Variants in CCSER1 observed in about 807,000 individuals in gnomAD.
CCSER1 encodes serine-rich coiled-coil domain-containing protein 1.
A neutral mutation model predicts 82.0 loss-of-function variants in CCSER1; 41 were observed. That is an observed-to-expected ratio of 0.50 (90% CI 0.39 to 0.65). The LOEUF is 0.65. Among genes scored for constraint, CCSER1 ranks in the 30% least tolerant of loss-of-function variants. CCSER1 has a pLI of 0.00. For synonymous variants in CCSER1, 414 were observed against 383.9 expected, an observed-to-expected ratio of 1.08 and a Z score of -0.92; for missense variants, 1,119 against 1,064.2, an observed-to-expected ratio of 1.05 and a Z score of -0.72.
intron 10 of CCSER1, among the ~76,000 whole-genome samples, chr4:91,496,631 A>AATATATATATATTCAATATATTTGAATAT (rs1758848615): frequency 1.8e-4 from 4 of 22,474 alleles, no homozygotes; most frequent in African/African-American, 4.6e-4. Context: ...TATATATTTG[A>AATATATATATATTCAATATATTTGAATAT]ATATATATAT....
chr4:91,081,693 C>A (rs1292869572), intron 9 of CCSER1, among the ~76,000 whole-genome samples: 1 of 152,170 alleles, frequency 6.6e-6, no homozygotes, highest in East Asian at 1.9e-4. Flanking sequence ...TCTCCTTAAG[C>A]TGATAAGCAA....
chr4:91,233,459 C>A (rs1369130022), intron 10 of CCSER1, among the ~76,000 whole-genome samples: 1 of 151,888 alleles, frequency 6.6e-6, no homozygotes, highest in African/African-American at 2.4e-5. Flanking sequence ...ATAGAACACA[C>A]TCCTCCAGTC....
intron 1 of CCSER1, among the ~76,000 whole-genome samples, chr4:90,281,469 G>A (rs1728834590): frequency 6.6e-6 from 1 of 151,936 alleles, no homozygotes; most frequent in African/African-American, 2.4e-5. Context: ...AGGTGCACAT[G>A]TACCCCTGAA....
chr4:90,857,518 A>C (rs563106103), intron 8 of CCSER1, among the ~76,000 whole-genome samples: 35 of 152,218 alleles, frequency 2.3e-4, no homozygotes, highest in Non-Finnish European at 2.8e-4. Context: ...TATTCTATTC[A>C]TTAGAAGCAG....
In CCSER1 at chr4:90,313,239, C is replaced by G. The variant is rs191719037; in HGVS notation, c.1509+192C>G. 2.9e-3 allele frequency among the ~76,000 whole-genome samples: 448 copies of G among 152,288 alleles called. 2 individuals are homozygous for G. Among genetic ancestry groups the G allele is most frequent in the African/African-American group, 0.01 (435 of 41,574 alleles). ...TAGGTCAGGATGGAGTTCACCATGACAGCTGTCTTTAGTTCCTGTCTTCCT... is the reference window on the plus strand; with the variant it reads ...TAGGTCAGGATGGAGTTCACCATGAGAGCTGTCTTTAGTTCCTGTCTTCCT... On this transcript the variant is annotated intron_variant, in intron 3 of 10. Coordinates refer to ENST00000509176, the MANE Select transcript of CCSER1 (RefSeq NM_001145065.2).
intron 10 of CCSER1, among the ~76,000 whole-genome samples, chr4:91,335,838 T>A (rs1747288373): frequency 6.6e-6 from 1 of 152,060 alleles, no homozygotes; most frequent in African/African-American, 2.4e-5. Flanking sequence ...CAAAAAAAAT[T>A]GTTTATGTGT....
chr4:90,851,591 T>A (rs6818052), intron 8 of CCSER1, among the ~76,000 whole-genome samples: 55 of 145,296 alleles, frequency 3.8e-4, no homozygotes, highest in Admixed American at 1.5e-3. Context: ...TTTTTTTTTT[T>A]CCTGATCCGA....
intron 10 of CCSER1, among the ~76,000 whole-genome samples, chr4:91,159,525 A>G (rs757441718): frequency 2.3e-4 from 35 of 151,958 alleles, no homozygotes; most frequent in Admixed American, 5.2e-4. Flanking sequence ...ATTAATTATT[A>G]ATATACATTA....
chr4:90,331,833 T>C (rs558665636), intron 3 of CCSER1, among the ~76,000 whole-genome samples: 1 of 146,684 alleles, frequency 6.8e-6, no homozygotes, highest in Admixed American at 6.8e-5. Context: ...TTTTTTTTTT[T>C]AAACTTTGAA....
chr4:91,399,947 T>G (rs1252508963), intron 10 of CCSER1, among the ~76,000 whole-genome samples: 2 of 152,032 alleles, frequency 1.3e-5, no homozygotes, highest in Non-Finnish European at 2.9e-5. Context: ...GTAGAACTCA[T>G]GTAGAATAGT....
chr4:91,281,798 TGTAA>T (rs1392056448), intron 10 of CCSER1, among the ~76,000 whole-genome samples: 2 of 152,176 alleles, frequency 1.3e-5, no homozygotes. Flanking sequence ...CATTTTTCTT[TGTAA>T]GTAAGTTTGT....
intron 10 of CCSER1, among the ~76,000 whole-genome samples, chr4:91,413,195 C>T (rs1316478750): frequency 6.6e-6 from 1 of 152,086 alleles, no homozygotes; most frequent in African/African-American, 2.4e-5. Context: ...GTAATCCCGG[C>T]ACTTTGGGAG....
At chr4:90,255,354 A>G (rs1723096315) in intron 1 of CCSER1, among the ~76,000 whole-genome samples, 2 of 152,142 alleles carry the variant, frequency 1.3e-5, no homozygotes, top group Admixed American at 1.3e-4. Context: ...CGCAATCATT[A>G]ATCTTTGATG....
chr4:90,501,134 T>G (rs1191190614), intron 5 of CCSER1, among the ~76,000 whole-genome samples: 1 of 152,160 alleles, frequency 6.6e-6, no homozygotes, highest in Non-Finnish European at 1.5e-5. Flanking sequence ...AATTTATCCC[T>G]TTGTACCTTT....
chr4:90,841,765 G>T (rs1561230459), intron 8 of CCSER1, among the ~76,000 whole-genome samples: 1 of 152,088 alleles, frequency 6.6e-6, no homozygotes, highest in African/African-American at 2.4e-5. Context: ...AAATCAAGGT[G>T]AAGCTGTATT....
Position 90,597,551 on chromosome 4 carries a change from G to A in CCSER1, c.1725-30474G>A, listed in dbSNP as rs951025567. ...TTAATTTTTTTTAAAAAATACATTT[G>A]ACTGTGTATATTTGAGGTTTACAAC... is the stretch of plus-strand genomic sequence containing the variant. On this transcript the variant is annotated intron_variant, in intron 5 of 10. Transcript: ENST00000509176. Among the ~76,000 whole-genome samples, 3 of 151,848 alleles carry A rather than the reference G, an allele frequency of 2.0e-5. No individual in the cohort carries two copies. In the East Asian group the frequency reaches 5.8e-4, roughly 29 times the overall value.
chr4:91,434,972 A>G (rs1380793115), intron 10 of CCSER1, among the ~76,000 whole-genome samples: 1 of 152,110 alleles, frequency 6.6e-6, no homozygotes, highest in Non-Finnish European at 1.5e-5. Context: ...ATGGCCGTAG[A>G]GTTCTGTTGT....
intron 8 of CCSER1, among the ~76,000 whole-genome samples, chr4:90,817,611 C>T (rs1234747629): frequency 6.6e-6 from 1 of 151,874 alleles, no homozygotes; most frequent in Non-Finnish European, 1.5e-5. Flanking sequence ...TTTCCATAAT[C>T]ATCTTGAATA....
chr4:91,192,223 T>TAA (rs1173173931), intron 10 of CCSER1, among the ~76,000 whole-genome samples: 2 of 152,158 alleles, frequency 1.3e-5, no homozygotes, highest in Non-Finnish European at 2.9e-5. Flanking sequence ...ACTTGCCTTT[T>TAA]AATTGTGGTT....
Sources: gnomAD v4.1 joint callset for allele counts (sites outside exome capture counted in the v4.1 genomes callset) on GRCh38, gnomAD v4.1.1 for gene constraint, MANE v1.5 for transcripts, NCBI Gene and HGNC (gene_info 2026-07-23, HGNC 2026-07-21) for gene names.